Variants in LHX6 observed in about 807,000 individuals in gnomAD.
The protein encoded by LHX6 is LIM homeobox 6, also known as LIM/homeobox protein Lhx6.
LHX6 carries 15 observed loss-of-function variants against 47.1 expected under a neutral mutation model. The ratio of observed to expected loss-of-function variants is 0.32; its 90% CI spans 0.21 to 0.49. The LOEUF (loss-of-function observed/expected upper bound fraction) is 0.49, where lower values mean the gene tolerates loss of function less well. LHX6 is among the 20% of genes least tolerant of loss of function. LHX6 has a pLI of 0.99. For missense variants in LHX6, 404 were observed against 539.6 expected (o/e 0.75, Z 2.49); for synonymous variants, 242 against 233.5 (o/e 1.04, Z -0.33).
chr9:122,227,165 G>A, intron 2 of LHX6, 135 bp from the exon 3 acceptor site: 1 of 883,768 alleles, frequency 1.1e-6, no homozygotes. Flanking sequence ...TAGACTGAAG[G>A]ACAGGGATGG....
chr9:122,218,174 C>T (rs193077894), intron 4 of LHX6, among the ~76,000 whole-genome samples: 80 of 152,266 alleles, frequency 5.3e-4, no homozygotes, highest in Admixed American at 2.0e-3. Context: ...GGAAGCCCCT[C>T]CAGGAGGCAG....
chr9:122,228,307 C>A (rs1361140801), intron 1 of LHX6: 8 of 1,534,716 alleles, frequency 5.2e-6, no homozygotes, highest in South Asian at 1.2e-5. Context: ...CGCCGGGTAC[C>A]GGCCCCGCGT....
Position 122,202,734 on chromosome 9 carries a change from T to C in LHX6, c.*2026A>G, listed in dbSNP as rs934390795. 6.6e-6 allele frequency: 1 copy of C among 152,608 alleles called. No homozygotes were observed. The highest frequency in any genetic ancestry group is 2.4e-5 in the African/African-American group (1 of 41,430). 9.5% of individuals were successfully genotyped at this position (152,608 alleles called of 1,614,324 possible). On this transcript the variant is annotated 3_prime_UTR_variant, in exon 10 of 10. Coordinates refer to ENST00000394319, the MANE Select transcript of LHX6 (RefSeq NM_014368.5). ...TTTTCCGTGTGTGTGTTTTCCCCTT[T>C]TTTTGTATTTAAATAAATAGTCTTG... is the stretch of plus-strand genomic sequence containing the variant.
At position 122,214,726 on chromosome 9, in the gene LHX6, C is replaced by T. The variant is rs1446927807; in HGVS notation, c.683-343G>A. The stretch of plus-strand genomic sequence containing the variant: ...TCCGAAAGCTAGCTGACCCTAATGT[C>T]CCAAACTGGGCTCCCTGCTGGCGAA... On this transcript the variant is annotated intron_variant, in intron 5 of 9. Coordinates refer to ENST00000394319, the MANE Select transcript of LHX6 (RefSeq NM_014368.5). This position sits in a 1 kb window ranked among gnomAD's most constrained non-coding sequence, Gnocchi z 4.6. Among the ~76,000 whole-genome samples, 1 of 152,100 alleles carries T rather than the reference C, an allele frequency of 6.6e-6. No individual in the cohort carries two copies.
Position 122,228,717 on chromosome 9 carries a change from G to A in LHX6, c.24C>T (p.Ala8=). The change falls in exon 1 of 10, where the codon GCC becomes GCT. Residue 8 remains alanine (A), a synonymous_variant. Transcript: ENST00000394319. ...GGCAGCCCTCGGGCAACGCCGGGGCGGCGTTCTCATGCTTCCAGTACATGG... is the reference window on the plus strand; with the variant it reads ...GGCAGCCCTCGGGCAACGCCGGGGCAGCGTTCTCATGCTTCCAGTACATGG... MYWKHEN[A]APALPEGCRL... The A allele has an allele frequency of 1.5e-6, 2 of 1,292,972 alleles. No homozygotes were observed. The highest frequency in any genetic ancestry group is 2.0e-6 in the Non-Finnish European group (2 of 1,019,398). 80.1% of individuals were successfully genotyped at this position (1,292,972 alleles called of 1,614,324 possible).
intron 4 of LHX6, among the ~76,000 whole-genome samples, chr9:122,219,789 A>G (rs949580274): frequency 6.6e-6 from 1 of 152,200 alleles, no homozygotes; most frequent in African/African-American, 2.4e-5. Flanking sequence ...TCCAAGGTGC[A>G]AAAAGTACCT....
At chr9:122,205,393 A>T (rs1468368246) in intron 9 of LHX6, among the ~76,000 whole-genome samples, 1 of 152,226 alleles carries the variant, frequency 6.6e-6, no homozygotes, top group Non-Finnish European at 1.5e-5. Context: ...GCTCAGACAC[A>T]CTGGGTGCCC....
At chr9:122,206,535 A>C (rs1830187581) in intron 9 of LHX6, among the ~76,000 whole-genome samples, 1 of 152,282 alleles carries the variant, frequency 6.6e-6, no homozygotes, top group Non-Finnish European at 1.5e-5. Flanking sequence ...TCTGGGTGCA[A>C]AGTTGGGGAC....
In LHX6 at chr9:122,214,514, G is replaced by A. The variant is rs1305887576; in HGVS notation, c.683-131C>T. ...AGTTGGCTGGGAGCAGGGATCCCAG[G>A]GTCCTAGTCCCTGAGCTCAGTCTTT... On this transcript the variant is annotated intron_variant, in intron 5 of 9. Coordinates refer to ENST00000394319, the MANE Select transcript of LHX6 (RefSeq NM_014368.5). The surrounding 1 kb of genome is among the most constrained non-coding windows in gnomAD (Gnocchi z 4.6). 16 of 1,278,188 alleles carry A rather than the reference G, an allele frequency of 1.3e-5. No individual in the cohort carries two copies. Among genetic ancestry groups the A allele is most frequent in the Non-Finnish European group, 1.6e-5 (16 of 977,754 alleles). The allele number at this position is 1,278,188 out of a possible 1,614,324, so 79.2% of individuals were successfully genotyped here.
chr9:122,212,780 C>A (rs1366014289), intron 8 of LHX6, among the ~76,000 whole-genome samples: 3 of 152,194 alleles, frequency 2.0e-5, no homozygotes, highest in Non-Finnish European at 4.4e-5. Flanking sequence ...ATCATCTCCA[C>A]CATCTCCCAT....
intron 4 of LHX6, among the ~76,000 whole-genome samples, chr9:122,223,584 G>A (rs1192359022): frequency 6.6e-6 from 1 of 152,178 alleles, no homozygotes; most frequent in African/African-American, 2.4e-5. Context: ...GCGAACTAAG[G>A]GCCGAGAGAA....
intron 1 of LHX6, chr9:122,228,403 C>T (rs1831201016): frequency 1.3e-6 from 2 of 1,494,932 alleles, no homozygotes; most frequent in Non-Finnish European, 1.8e-6. Context: ...GGCCTCGCCT[C>T]CTCTTGATTC....
chr9:122,205,711 C>T (rs919178040), intron 9 of LHX6, among the ~76,000 whole-genome samples: 31 of 152,122 alleles, frequency 2.0e-4, no homozygotes, highest in African/African-American at 7.5e-4. Context: ...TGATCATAAC[C>T]AACACCTGGG....
At chr9:122,222,128 C>T (rs906043276) in intron 4 of LHX6, among the ~76,000 whole-genome samples, 1 of 152,222 alleles carries the variant, frequency 6.6e-6, no homozygotes, top group African/African-American at 2.4e-5. Context: ...AGCAATGGCA[C>T]TTTCCCAGGA....
At chr9:122,221,513 G>A in intron 4 of LHX6, 1 of 985,684 alleles carries the variant, frequency 1.0e-6, no homozygotes, top group Non-Finnish European at 1.2e-6. Context: ...GCATGAAGTC[G>A]TTTGGGCCTA....
Position 122,213,677 on chromosome 9 carries a change from T to A in LHX6, c.983A>T (p.Asp328Val). 1 of 1,612,508 alleles carries A rather than the reference T, an allele frequency of 6.2e-7. No individual in the cohort carries two copies. The highest frequency in any genetic ancestry group is 8.5e-7 in the Non-Finnish European group (1 of 1,179,794). The stretch of plus-strand genomic sequence containing the variant: ...GCTGAACGGGGTGTAGTGGATGTCG[T>A]CGGACAGGGCGGAGGGAAGGCGGGA... ...PPSRLPSALS[D>V]DIHYTPFSSP... Residue 328 changes from aspartate to valine, a missense_variant, in exon 8 of 10, where the codon GAC becomes GTC. Asp to Val is a radical substitution (Grantham distance 152, BLOSUM62 -3). This residue lies in a region of LHX6 where 127 missense variants were observed against 116.1 expected (regional missense o/e 1.09). Transcript: ENST00000394319. This position sits in a 1 kb window ranked among gnomAD's most constrained non-coding sequence, Gnocchi z 5.5.
intron 1 of LHX6, 157 bp from the exon 2 acceptor site, chr9:122,227,637 G>A: frequency 3.7e-6 from 5 of 1,341,324 alleles, no homozygotes; most frequent in Non-Finnish European, 4.8e-6. Context: ...CCACAAAAGC[G>A]GTGTCTCTCT....
At chr9:122,210,353 C>T (rs1443170670) in intron 8 of LHX6, among the ~76,000 whole-genome samples, 1 of 152,152 alleles carries the variant, frequency 6.6e-6, no homozygotes. Context: ...CTATTCAGGC[C>T]CTGCAAGCAA....
intron 4 of LHX6, among the ~76,000 whole-genome samples, chr9:122,218,096 G>A (rs750377533): frequency 6.6e-6 from 1 of 152,154 alleles, no homozygotes; most frequent in African/African-American, 2.4e-5. Flanking sequence ...TTGATTCTAC[G>A]ACTTCTCCTT....
Sources: gnomAD v4.1 joint callset for allele counts (sites outside exome capture counted in the v4.1 genomes callset) on GRCh38, gnomAD v4.1.1 for gene constraint, gnomAD v4.1.1 regional missense constraint, Gnocchi (gnomAD v3.1) non-coding constraint, MANE v1.5 for transcripts, NCBI Gene and HGNC (gene_info 2026-07-23, HGNC 2026-07-21) for gene names.